EBF1: variants seen among roughly 807,000 people sequenced by gnomAD.
EBF1 encodes the protein EBF transcription factor 1.
Under a neutral mutation model 68.4 loss-of-function variants are expected in EBF1, and 10 were observed. That is an observed-to-expected ratio of 0.15 (90% confidence interval 0.09 to 0.25). The LOEUF is 0.25. EBF1 is among the 10% of genes least tolerant of loss of function. The probability of loss-of-function intolerance (pLI) is 1.00; values close to 1 mark genes in which losing one functional copy is unlikely to be tolerated. For missense variants in EBF1, 509 were observed against 794.4 expected (o/e 0.64, Z 4.32); for synonymous variants, 298 against 299.8 (o/e 0.99, Z 0.06).
chr5:158,984,370 A>C (rs1276468198), intron 6 of EBF1, among the ~76,000 whole-genome samples: 2 of 152,144 alleles, frequency 1.3e-5, no homozygotes, highest in Admixed American at 6.5e-5. Context: ...CATTTTGTAG[A>C]TACTGACCTT....
intron 1 of EBF1, chr5:159,097,678 C>T: frequency 4.3e-6 from 1 of 234,404 alleles, no homozygotes; most frequent in East Asian, 6.0e-5. Flanking sequence ...CACCAAAAAG[C>T]ATGTGGAGAA....
rs1767547624 is a variant in EBF1 at position 158,746,294 on chromosome 5, A to G, written c.1037-15137T>C. 2.0e-5 allele frequency among the ~76,000 whole-genome samples: 3 copies of G among 152,312 alleles called. No homozygotes were observed. In the South Asian group the frequency reaches 6.2e-4, roughly 32 times the overall value. Reference sequence around the variant, plus strand: ...AATAACAGCAACTTTAATGGAGATAATGAGAACTCTTATACCCAGAAGGTT... The same window carrying G: ...AATAACAGCAACTTTAATGGAGATAGTGAGAACTCTTATACCCAGAAGGTT... On this transcript the variant is annotated intron_variant, in intron 10 of 15. Coordinates refer to ENST00000313708, the MANE Select transcript of EBF1 (RefSeq NM_024007.5).
intron 6 of EBF1, among the ~76,000 whole-genome samples, chr5:159,046,210 AT>A (rs1772362770): frequency 6.6e-6 from 1 of 152,144 alleles, no homozygotes; most frequent in East Asian, 1.9e-4. Context: ...TAACCATCTT[AT>A]CAGTTACTCT....
intron 6 of EBF1, among the ~76,000 whole-genome samples, chr5:158,963,341 T>C (rs1753428146): frequency 6.6e-6 from 1 of 152,234 alleles, no homozygotes; most frequent in African/African-American, 2.4e-5. Context: ...TATTAACTTT[T>C]ACGGAATGAC....
chr5:159,005,317 CT>C (rs771220681), intron 6 of EBF1, among the ~76,000 whole-genome samples: 8 of 152,164 alleles, frequency 5.3e-5, no homozygotes, highest in Non-Finnish European at 1.2e-4. Context: ...TGGTCTTCCC[CT>C]AAATATTGTC....
At chr5:158,786,495 A>G (rs1205796696) in intron 9 of EBF1, among the ~76,000 whole-genome samples, 1 of 152,138 alleles carries the variant, frequency 6.6e-6, no homozygotes, top group Non-Finnish European at 1.5e-5. Flanking sequence ...TAAAGACTGG[A>G]TCCCATCCTG....
intron 6 of EBF1, among the ~76,000 whole-genome samples, chr5:159,051,444 C>G (rs913185772): frequency 1.1e-4 from 16 of 140,580 alleles, no homozygotes; most frequent in Admixed American, 2.8e-4. Flanking sequence ...CCCACCCCCC[C>G]ACCCCGCCGC....
At chr5:158,852,557 A>G (rs1433725860) in intron 6 of EBF1, among the ~76,000 whole-genome samples, 2 of 152,258 alleles carry the variant, frequency 1.3e-5, no homozygotes, top group Non-Finnish European at 2.9e-5. Flanking sequence ...AAAAATGACC[A>G]GCGAGCATCA....
chr5:158,788,558 G>C (rs759454146), intron 9 of EBF1, among the ~76,000 whole-genome samples: 1 of 152,154 alleles, frequency 6.6e-6, no homozygotes, highest in African/African-American at 2.4e-5. Context: ...GCCAGTAAAG[G>C]TTGTATAAGG....
chr5:159,051,948 A>C (rs1280337827), intron 6 of EBF1, among the ~76,000 whole-genome samples: 1 of 152,212 alleles, frequency 6.6e-6, no homozygotes, highest in Non-Finnish European at 1.5e-5. Context: ...ACAGTATTAC[A>C]TACAAATGTG....
chr5:158,850,987 A>G (rs1792525434), intron 6 of EBF1, among the ~76,000 whole-genome samples: 1 of 151,692 alleles, frequency 6.6e-6, no homozygotes, highest in South Asian at 2.1e-4. Context: ...ACAGAGCGAG[A>G]CTCCATCTCA....
intron 6 of EBF1, among the ~76,000 whole-genome samples, chr5:158,896,155 T>C (rs1802140212): frequency 6.6e-6 from 1 of 152,162 alleles, no homozygotes; most frequent in South Asian, 2.1e-4. Context: ...TCAATCAAAA[T>C]AAAATATTCC....
intron 11 of EBF1, among the ~76,000 whole-genome samples, chr5:158,716,895 A>G (rs1418158745): frequency 6.6e-6 from 1 of 152,184 alleles, no homozygotes; most frequent in Admixed American, 6.5e-5. Context: ...CAAGGTGCTA[A>G]ATTTACTCAA....
chr5:158,784,710 C>T (rs1561919149), intron 9 of EBF1, among the ~76,000 whole-genome samples: 1 of 151,868 alleles, frequency 6.6e-6, no homozygotes, highest in Non-Finnish European at 1.5e-5. Context: ...AAAAAAAGTC[C>T]AAAACAAGCA....
intron 6 of EBF1, among the ~76,000 whole-genome samples, chr5:158,929,296 C>T (rs1336581031): frequency 2.6e-5 from 4 of 152,170 alleles, no homozygotes; most frequent in African/African-American, 9.7e-5. Context: ...AAATTATCAG[C>T]CTTTGTATCA....
intron 6 of EBF1, among the ~76,000 whole-genome samples, chr5:159,045,159 C>T (rs946053597): frequency 6.6e-6 from 1 of 151,950 alleles, no homozygotes; most frequent in Admixed American, 6.6e-5. Context: ...AAGCCAACAT[C>T]AAAGGTTAGA....
chr5:158,841,580 C>G (rs1790340378), intron 6 of EBF1, among the ~76,000 whole-genome samples: 1 of 152,180 alleles, frequency 6.6e-6, no homozygotes, highest in South Asian at 2.1e-4. Context: ...CATCTCAACA[C>G]AAATAGATTA....
intron 10 of EBF1, among the ~76,000 whole-genome samples, chr5:158,757,275 C>T (rs951899786): frequency 2.0e-5 from 3 of 152,066 alleles, no homozygotes; most frequent in Admixed American, 6.6e-5. Flanking sequence ...ACAATACCAC[C>T]CTGTTTCCCT....
intron 6 of EBF1, among the ~76,000 whole-genome samples, chr5:158,880,844 G>A (rs1362329009): frequency 6.6e-6 from 1 of 152,184 alleles, no homozygotes; most frequent in East Asian, 1.9e-4. Flanking sequence ...GGAACCCGGG[G>A]TGATTCACAA....
Sources: allele counts gnomAD v4.1 joint callset (sites outside exome capture counted in the v4.1 genomes callset), GRCh38; gene constraint gnomAD v4.1.1; transcripts MANE v1.5; gene names NCBI Gene and HGNC (gene_info 2026-07-23, HGNC 2026-07-21).